RBMX2: variants seen among roughly 807,000 people sequenced by gnomAD.
The protein encoded by RBMX2 is RNA-binding motif protein, X-linked 2.
For missense variants in RBMX2, 191 were observed against 256.0 expected, an observed-to-expected ratio of 0.75 and a Z score of 1.73; for synonymous variants, 77 against 94.3, an observed-to-expected ratio of 0.82 and a Z score of 1.07.
chrX:130,411,670 G>C (rs760276294), intron 5 of RBMX2, 145 bp downstream of exon 5: 1 of 569,346 alleles, frequency 1.8e-6, no homozygotes, highest in South Asian at 5.1e-5. Context: ...GGGAGTATCA[G>C]TGGAAGGCTG....
At chrX:130,407,089 C>G (rs1349813023) in intron 3 of RBMX2, among the ~76,000 whole-genome samples, 1 of 108,163 alleles carries the variant, frequency 9.2e-6, no homozygotes, top group Non-Finnish European at 1.9e-5. Context: ...CAAATTTTCC[C>G]TATTTGAGGG....
rs878868784 is a variant in RBMX2 at position 130,402,026 on chromosome X, C to A, written c.-7C>A. On this transcript the variant is annotated 5_prime_UTR_variant, in exon 1 of 6. Transcript: ENST00000305536. ...GATTCCTGAGTGCTGAGCGCGAACC[C>A]GAGGAGATGAAGTAAGGCGTCAGCT... 1.7e-6 allele frequency: 2 copies of A among 1,197,612 alleles called. No homozygotes were observed. Among genetic ancestry groups the A allele is most frequent in the East Asian group, 3.0e-5 (1 of 33,253 alleles).
chrX:130,413,445 A>G lies in RBMX2; in HGVS notation c.*597A>G, dbSNP rs1253698398. ...TTAACCATTTTAAAGGGAACAATTC[A>G]GTGGCATTTGGTACTGAACATCCAC... On this transcript the variant is annotated 3_prime_UTR_variant, in exon 6 of 6. Coordinates refer to ENST00000305536, the MANE Select transcript of RBMX2 (RefSeq NM_016024.4). The G allele has an allele frequency of 8.9e-6, 1 of 112,111 alleles. No individual in the cohort carries two copies. Among genetic ancestry groups the G allele is most frequent in the Non-Finnish European group, 1.9e-5 (1 of 53,365 alleles). The allele number at this position is 112,111 out of a possible 1,213,427, so 9.2% of individuals were successfully genotyped here. A position where few individuals can be genotyped will look rare whatever the true frequency, so the allele number is the denominator to read the frequency against.
At chrX:130,410,213 A>G (rs1177218418) in intron 4 of RBMX2, among the ~76,000 whole-genome samples, 1 of 112,135 alleles carries the variant, frequency 8.9e-6, no homozygotes, top group Non-Finnish European at 1.9e-5. Flanking sequence ...GTGTTTCAAA[A>G]TGGAGAAGAG....
intron 4 of RBMX2, 116 bp from the exon 5 acceptor site, chrX:130,411,232 T>G (rs939811526): frequency 1.0e-4 from 77 of 744,645 alleles, no homozygotes; most frequent in Non-Finnish European, 1.3e-4. Context: ...GTGACAGAAT[T>G]TAACAAGAAG....
At chrX:130,410,875 TG>T (rs774047934) in intron 4 of RBMX2, among the ~76,000 whole-genome samples, 1 of 112,144 alleles carries the variant, frequency 8.9e-6, no homozygotes, top group African/African-American at 3.2e-5. Flanking sequence ...TCCTAATTAC[TG>T]GGTGGAGAAA....
rs746844268 is a variant in RBMX2, at chrX:130,402,239, C to T, written c.6-16C>T. On this transcript the variant is annotated splice_polypyrimidine_tract_variant and intron_variant, in intron 1 of 5. Coordinates refer to ENST00000305536, the MANE Select transcript of RBMX2 (RefSeq NM_016024.4). ...CTTTTCTGCCTACCCTCCCCACCCC[C>T]CCCGCCACCGTGAAGCCCTTTAACT... The T allele has an allele frequency of 5.1e-6, 6 of 1,183,890 alleles. No individual in the cohort carries two copies. In the Admixed American group the frequency reaches 7.1e-5, roughly 14 times the overall value.
chrX:130,403,778 C>G, intron 2 of RBMX2, 24 bp from the exon 3 acceptor site: 1 of 1,200,792 alleles, frequency 8.3e-7, no homozygotes, highest in Non-Finnish European at 1.1e-6. Context: ...GTTGGTGGAA[C>G]TGAAATGTGG....
rs762993680 is a variant in RBMX2 at position 130,406,312 on chromosome X, G to C, written c.173+2459G>C. Among the ~76,000 whole-genome samples the C allele has an allele frequency of 2.7e-5, 3 of 111,154 alleles. No individual in the cohort carries two copies. In the South Asian group the frequency reaches 1.2e-3, roughly 43 times the overall value. On this transcript the variant is annotated intron_variant, in intron 3 of 5. Transcript: ENST00000305536. ...TGTTGATTTTACATGAGCCCTTCAT[G>C]TATGAAGGATATTAACTCTTTGCAG... is the stretch of plus-strand genomic sequence containing the variant.
At chrX:130,403,395 T>G (rs1224925860) in intron 2 of RBMX2, among the ~76,000 whole-genome samples, 1 of 111,926 alleles carries the variant, frequency 8.9e-6, no homozygotes, top group Non-Finnish European at 1.9e-5. Context: ...TGAGCTGGAG[T>G]TTCACTCTTG....
intron 3 of RBMX2, among the ~76,000 whole-genome samples, chrX:130,405,164 A>T (rs2034477868): frequency 9.0e-6 from 1 of 111,115 alleles, no homozygotes; most frequent in South Asian, 3.8e-4. Context: ...AGATCACCTG[A>T]GGTCAGGAGT....
At chrX:130,408,603 CATT>C (rs1437872663) in intron 3 of RBMX2, among the ~76,000 whole-genome samples, 1 of 111,098 alleles carries the variant, frequency 9.0e-6, no homozygotes, top group Non-Finnish European at 1.9e-5. Context: ...AGCTTTATAA[CATT>C]ATAACTGGAA....
chrX:130,405,840 T>TCATCATCAGTGAGG (rs1569459974), intron 3 of RBMX2, among the ~76,000 whole-genome samples: 1 of 28,332 alleles, frequency 3.5e-5, no homozygotes, highest in African/African-American at 3.4e-4. Context: ...TGCCTTTTTT[T>TCATCATCAGTGAGG]TTTTTTTTTT....
At chrX:130,411,177 T>G in intron 4 of RBMX2, 171 bp from the exon 5 acceptor site, 1 of 384,301 alleles carries the variant, frequency 2.6e-6, no homozygotes, top group East Asian at 4.1e-5. Context: ...GTATTAATAT[T>G]TAGGTGTACA....
rs778003395 is a variant in RBMX2 at position 130,411,070 on chromosome X, C to G, written c.304-278C>G. The G allele has an allele frequency of 2.0e-5, 5 of 247,831 alleles. No homozygotes were observed. In the South Asian group the frequency reaches 1.3e-3, roughly 63 times the overall value. The allele number at this position is 247,831 out of a possible 1,213,427, so 20.4% of individuals were successfully genotyped here. Reference sequence around the variant, plus strand: ...AGTCTTTTTCATTTTATGGCACATACAGAACATGAAGATATTTGTATGCTG... The same window carrying G: ...AGTCTTTTTCATTTTATGGCACATAGAGAACATGAAGATATTTGTATGCTG... On this transcript the variant is annotated intron_variant, in intron 4 of 5. Coordinates refer to ENST00000305536, the MANE Select transcript of RBMX2 (RefSeq NM_016024.4).
chrX:130,408,741 C>G (rs929608989), intron 3 of RBMX2, among the ~76,000 whole-genome samples: 2 of 111,575 alleles, frequency 1.8e-5, no homozygotes, highest in African/African-American at 6.5e-5. Flanking sequence ...TCAAAGATAT[C>G]TATGTATCTA....
At chrX:130,402,501 G>A in intron 2 of RBMX2, 131 bp downstream of exon 2, 1 of 1,049,289 alleles carries the variant, frequency 9.5e-7, no homozygotes, top group African/African-American at 1.9e-5. Flanking sequence ...CTGTCTGCCC[G>A]GGAATCCGTG....
At chrX:130,402,566 C>T (rs891491015) in intron 2 of RBMX2, among the ~76,000 whole-genome samples, 196 bp downstream of exon 2, 7 of 111,946 alleles carry the variant, frequency 6.3e-5, no homozygotes, top group African/African-American at 2.3e-4. Context: ...AATCAGTGCT[C>T]ATGAGAGTTA....
intron 2 of RBMX2, among the ~76,000 whole-genome samples, chrX:130,402,764 T>C (rs1414805210): frequency 9.0e-6 from 1 of 111,553 alleles, no homozygotes; most frequent in Non-Finnish European, 1.9e-5. Flanking sequence ...CACAGCTCCA[T>C]ATTGCTACCA....
Sources: allele counts gnomAD v4.1 joint callset (sites outside exome capture counted in the v4.1 genomes callset), GRCh38; gene constraint gnomAD v4.1.1; transcripts MANE v1.5; gene names NCBI Gene and HGNC (gene_info 2026-07-23, HGNC 2026-07-21).